Variants in MYO18A observed in about 807,000 individuals in gnomAD.
The protein encoded by MYO18A is myosin XVIIIA, also known as unconventional myosin-XVIIIa.
A neutral mutation model predicts 235.8 loss-of-function variants in MYO18A; 78 were observed. The observed-to-expected ratio is 0.33, with a 90% CI of 0.28 to 0.40. The LOEUF (loss-of-function observed/expected upper bound fraction) is 0.40, where lower values mean the gene tolerates loss of function less well. MYO18A is among the 10% of genes least tolerant of loss of function. MYO18A has a pLI of 1.00. For synonymous variants in MYO18A, 977 were observed against 1,077.8 expected (o/e 0.91, Z 1.83); for missense variants, 2,215 against 2,699.3 (o/e 0.82, Z 3.98).
chr17:29,150,699 T>C (rs994520403), intron 2 of MYO18A, among the ~76,000 whole-genome samples: 2 of 152,388 alleles, frequency 1.3e-5, no homozygotes, highest in Non-Finnish European at 2.9e-5. Flanking sequence ...TTATGGCTCA[T>C]GCCCATAATC....
chr17:29,179,594 T>G (rs2068604833), intron 1 of MYO18A, among the ~76,000 whole-genome samples: 1 of 152,098 alleles, frequency 6.6e-6, no homozygotes, highest in African/African-American at 2.4e-5. Flanking sequence ...GGGCAGCTTG[T>G]CCGACCTTCC....
Position 29,086,804 on chromosome 17 carries a change from TCCTC to T in MYO18A, c.5712+128_5712+131del. On this transcript the variant is annotated intron_variant, in intron 38 of 41. Transcript: ENST00000527372. The stretch of plus-strand genomic sequence containing the variant: ...CTGGCCTGCCCTCTTGATATGCTCC[TCCTC>T]CCTCCCATTCTCTGACTCATGTGCA... The T allele has an allele frequency of 4.1e-6, 5 of 1,216,800 alleles. No individual in the cohort carries two copies. The South Asian group carries it at 6.3e-5, about 15-fold the overall frequency. 75.4% of individuals were successfully genotyped at this position (1,216,800 alleles called of 1,614,324 possible).
chr17:29,083,690 A>G (rs1164103141), intron 40 of MYO18A, among the ~76,000 whole-genome samples: 2 of 152,164 alleles, frequency 1.3e-5, no homozygotes, highest in Non-Finnish European at 2.9e-5. Context: ...TGCCCCGGGT[A>G]AACAGGAGTT....
chr17:29,166,602 G>A lies in MYO18A; in HGVS notation c.339C>T (p.Phe113=). The A allele has an allele frequency of 1.9e-6, 3 of 1,613,892 alleles. No individual in the cohort carries two copies. Among genetic ancestry groups the A allele is most frequent in the Non-Finnish European group, 2.5e-6 (3 of 1,179,868 alleles). The change falls in exon 2 of 42, where the codon TTC becomes TTT. Residue 113 remains phenylalanine (F), a synonymous_variant. Coordinates refer to ENST00000527372, the MANE Select transcript of MYO18A (RefSeq NM_078471.4). ...SDDLKGEEGS[F]RGSVLQRAAK... ...CTGCCCGCTGCAGCACCGAGCCACG[G>A]AAGCTACCCTCCTCACCCTTGAGGT...
At position 29,121,482 on chromosome 17, in the gene MYO18A, A is replaced by C; in HGVS notation, c.1371+65T>G. The C allele has an allele frequency of 6.8e-7, 1 of 1,477,392 alleles. No individual in the cohort carries two copies. The allele number at this position is 1,477,392 out of a possible 1,614,324, so 91.5% of individuals were successfully genotyped here. On this transcript the variant is annotated intron_variant, in intron 5 of 41. Transcript: ENST00000527372. This position sits in a 1 kb window ranked among gnomAD's most constrained non-coding sequence, Gnocchi z 4.2. ...GAGCCCAGTGGGGTGCCACAGGGGA[A>C]GGGCAGAGAGCCAGGGCAGGGGGTG...
At chr17:29,100,189 G>A (rs606669) in intron 21 of MYO18A, among the ~76,000 whole-genome samples, 3 of 152,208 alleles carry the variant, frequency 2.0e-5, no homozygotes, top group Non-Finnish European at 4.4e-5. Flanking sequence ...GCCCAACCTG[G>A]GCTCCAGGCC....
intron 41 of MYO18A, among the ~76,000 whole-genome samples, chr17:29,079,147 C>T (rs2066055859): frequency 6.6e-6 from 1 of 152,226 alleles, no homozygotes; most frequent in Non-Finnish European, 1.5e-5. Flanking sequence ...TGGGGTATAG[C>T]TTGGGACCTT....
At chr17:29,101,342 G>C (rs1286969680) in intron 21 of MYO18A, among the ~76,000 whole-genome samples, 2 of 151,888 alleles carry the variant, frequency 1.3e-5, no homozygotes, top group Admixed American at 1.3e-4. Flanking sequence ...GTCTTGCTCT[G>C]TCACCCAGGC....
rs2152886248 is a variant in MYO18A, at chr17:29,128,640, G to T, written c.1000-6387C>A. 4.2e-6 allele frequency: 4 copies of T among 948,882 alleles called. No individual in the cohort carries two copies. The South Asian group carries it at 6.8e-5, about 16-fold the overall frequency. 58.8% of individuals were successfully genotyped at this position (948,882 alleles called of 1,614,324 possible). A position where few individuals can be genotyped will look rare whatever the true frequency, so the allele number is the denominator to read the frequency against. On this transcript the variant is annotated intron_variant, in intron 2 of 41. Transcript: ENST00000527372. ...TAAGAAGGTGTGACCTCACGCCCTGGAACAGATCTCCCATTCATCTACCAA... is the reference window on the plus strand; with the variant it reads ...TAAGAAGGTGTGACCTCACGCCCTGTAACAGATCTCCCATTCATCTACCAA...
At chr17:29,089,056 A>G (rs2066328777) in intron 37 of MYO18A, among the ~76,000 whole-genome samples, 1 of 151,740 alleles carries the variant, frequency 6.6e-6, no homozygotes, top group Non-Finnish European at 1.5e-5. Context: ...AAAAAAAAAA[A>G]AAAAGGGGAA....
intron 2 of MYO18A, chr17:29,128,548 CA>C (rs1206774066): frequency 5.0e-5 from 62 of 1,241,864 alleles, no homozygotes; most frequent in Non-Finnish European, 6.0e-5. Context: ...CCTCTAGCTA[CA>C]GTCATACAAA....
In MYO18A at chr17:29,168,394, A is replaced by G. The variant is rs116531711; in HGVS notation, c.-81-1373T>C. ...AAAACCTGGTGGGAAGAGTTGAGAG[A>G]GTCTTTCTTGTTCTAACCAGCAGGG... On this transcript the variant is annotated intron_variant, in intron 1 of 41. Coordinates refer to ENST00000527372, the MANE Select transcript of MYO18A (RefSeq NM_078471.4). Among the ~76,000 whole-genome samples, 853 of 152,078 alleles carry G rather than the reference A, an allele frequency of 5.6e-3. 7 individuals are homozygous for G. The highest frequency in any genetic ancestry group is 0.019 in the African/African-American group (799 of 41,562).
chr17:29,147,310 A>G (rs976599082), intron 2 of MYO18A, among the ~76,000 whole-genome samples: 6 of 152,058 alleles, frequency 3.9e-5, no homozygotes, highest in Admixed American at 2.0e-4. Flanking sequence ...TGAGCTCAGG[A>G]GTTCAAGACC....
At chr17:29,108,972 A>G (rs1445565168) in intron 19 of MYO18A, among the ~76,000 whole-genome samples, 1 of 152,004 alleles carries the variant, frequency 6.6e-6, no homozygotes, top group Non-Finnish European at 1.5e-5. Context: ...GTGGGGACAG[A>G]TCGATGATTT....
rs1056061316 is a variant in MYO18A at position 29,074,960 on chromosome 17, C to T, written c.6021-46G>A. 10 of 1,606,998 alleles carry T rather than the reference C, an allele frequency of 6.2e-6. No individual in the cohort carries two copies. Among genetic ancestry groups the T allele is most frequent in the Non-Finnish European group, 7.7e-6 (9 of 1,174,580 alleles). ...GGTTAGGGACAAATGACACTCCTACCATTAAGCACGCACGCCTTTGGTTCT... is the reference window on the plus strand; with the variant it reads ...GGTTAGGGACAAATGACACTCCTACTATTAAGCACGCACGCCTTTGGTTCT... On this transcript the variant is annotated intron_variant, in intron 41 of 41. Coordinates refer to ENST00000527372, the MANE Select transcript of MYO18A (RefSeq NM_078471.4). The surrounding 1 kb of genome is among the most constrained non-coding windows in gnomAD (Gnocchi z 4.4).
rs1419051844 is a variant in MYO18A at position 29,086,455 on chromosome 17, A to G, written c.5835T>C (p.Asn1945=). 3.7e-6 allele frequency: 6 copies of G among 1,605,004 alleles called. No individual in the cohort carries two copies. In the African/African-American group the frequency reaches 5.4e-5, roughly 14 times the overall value. Residue 1945 remains asparagine (N), a synonymous_variant, in exon 39 of 42, where the codon AAT becomes AAC. Coordinates refer to ENST00000527372, the MANE Select transcript of MYO18A (RefSeq NM_078471.4). ...AIEDEMESDE[N]EDLINSLQDM... ...CTTCTCACCTGTTGATGAGGTCCTC[A>G]TTCTCATCACTCTCCATCTCATCCT...
chr17:29,073,847 A>T lies in MYO18A; in HGVS notation c.*923T>A, dbSNP rs199624230. The T allele has an allele frequency of 2.7e-5, 43 of 1,578,760 alleles. No individual in the cohort carries two copies. The highest frequency in any genetic ancestry group is 3.3e-5 in the Non-Finnish European group (38 of 1,155,246). ...TCCATCTTCAGTTTTTCTGATCACA[A>T]GTCCTCAACCCCAAGCCTTCCCTCT... On this transcript the variant is annotated 3_prime_UTR_variant, in exon 42 of 42. Coordinates refer to ENST00000527372, the MANE Select transcript of MYO18A (RefSeq NM_078471.4).
rs1234458792 is a variant in MYO18A at position 29,111,493 on chromosome 17, C to G, written c.2831G>C (p.Gly944Ala). 1.2e-6 allele frequency: 2 copies of G among 1,612,644 alleles called. No individual in the cohort carries two copies. Among genetic ancestry groups the G allele is most frequent in the African/African-American group, 1.3e-5 (1 of 74,874 alleles). The change falls in exon 17 of 42, where the codon GGC (glycine) becomes GCC (alanine). Residue 944 changes from glycine to alanine, a missense_variant. Transcript: ENST00000527372. The surrounding 1 kb of genome is among the most constrained non-coding windows in gnomAD (Gnocchi z 5.1). Reference sequence around the variant, plus strand: ...GTTCTGCTTGGTGTAGTTCAGCCAGCCAGTCACATTGTACTCTACCCAGTT... The same window carrying G: ...GTTCTGCTTGGTGTAGTTCAGCCAGGCAGTCACATTGTACTCTACCCAGTT... ...GTNWVEYNVT[G>A]WLNYTKQNPA...
Position 29,158,716 on chromosome 17 carries a change from G to T in MYO18A, c.999+7226C>A, listed in dbSNP as rs1243086574. 6.6e-6 allele frequency among the ~76,000 whole-genome samples: 1 copy of T among 152,192 alleles called. No homozygotes were observed. The highest frequency in any genetic ancestry group is 6.5e-5 in the Admixed American group (1 of 15,286). Reference sequence around the variant, plus strand: ...CAGCAGCTTAGTGCATTGGGGTGGCGGGAGCCCTGCTGGCAGGCAGCGCGT... The same window carrying T: ...CAGCAGCTTAGTGCATTGGGGTGGCTGGAGCCCTGCTGGCAGGCAGCGCGT... On this transcript the variant is annotated intron_variant, in intron 2 of 41. Coordinates refer to ENST00000527372, the MANE Select transcript of MYO18A (RefSeq NM_078471.4). This position sits in a 1 kb window ranked among gnomAD's most constrained non-coding sequence, Gnocchi z 4.3.
Sources: gnomAD v4.1 joint callset for allele counts (sites outside exome capture counted in the v4.1 genomes callset) on GRCh38, gnomAD v4.1.1 for gene constraint, Gnocchi (gnomAD v3.1) non-coding constraint, MANE v1.5 for transcripts, NCBI Gene and HGNC (gene_info 2026-07-23, HGNC 2026-07-21) for gene names.